The following NUP214 variants were observed in gnomAD, a reference collection of about 807,000 sequenced individuals.
The protein encoded by NUP214 is nucleoporin 214.
In NUP214, 79 loss-of-function variants were observed where a neutral mutation model predicts 196.2. That is an observed-to-expected ratio of 0.40 (90% CI 0.34 to 0.49). The LOEUF is 0.49. NUP214 is among the 20% of genes least tolerant of loss of function. NUP214 has a pLI of 0.58. For synonymous variants in NUP214, 1,020 were observed against 990.5 expected, an observed-to-expected ratio of 1.03 and a Z score of -0.56; for missense variants, 2,468 against 2,539.0, an observed-to-expected ratio of 0.97 and a Z score of 0.60.
At chr9:131,172,752 G>A (rs896217500) in intron 21 of NUP214, among the ~76,000 whole-genome samples, 11 of 152,194 alleles carry the variant, frequency 7.2e-5, no homozygotes, top group African/African-American at 2.7e-4. Flanking sequence ...GTAGCACATA[G>A]CATTGGTTTT....
intron 2 of NUP214, 52 bp from the exon 3 acceptor site, chr9:131,128,280 C>A: frequency 1.3e-6 from 2 of 1,555,882 alleles, no homozygotes; most frequent in Non-Finnish European, 1.7e-6. Flanking sequence ...GAGGTTGTGG[C>A]TTTATGCTTA....
chr9:131,161,440 G>T (rs1832629374), intron 18 of NUP214, among the ~76,000 whole-genome samples: 1 of 152,016 alleles, frequency 6.6e-6, no homozygotes, highest in Non-Finnish European at 1.5e-5. Flanking sequence ...TGTATTTTTA[G>T]TAGAGATGGG....
intron 29 of NUP214, among the ~76,000 whole-genome samples, chr9:131,199,744 A>G (rs1262981472): frequency 6.6e-6 from 1 of 152,234 alleles, no homozygotes; most frequent in Non-Finnish European, 1.5e-5. Flanking sequence ...TTCTTCAGCA[A>G]TAGACTCTAG....
At chr9:131,201,407 A>G (rs1833934587) in intron 29 of NUP214, among the ~76,000 whole-genome samples, 1 of 150,432 alleles carries the variant, frequency 6.6e-6, no homozygotes, top group Admixed American at 6.6e-5. Context: ...CTCCATCTCA[A>G]AAAAAAAAAT....
chr9:131,201,859 C>T, intron 30 of NUP214, 142 bp downstream of exon 30: 1 of 704,446 alleles, frequency 1.4e-6, no homozygotes, highest in Non-Finnish European at 2.5e-6. Flanking sequence ...CTCCCTTCAG[C>T]TGCCTTGGAG....
intron 18 of NUP214, among the ~76,000 whole-genome samples, chr9:131,160,634 A>G (rs1032518033): frequency 6.6e-6 from 1 of 152,246 alleles, no homozygotes; most frequent in Admixed American, 6.5e-5. Flanking sequence ...AAAACAAACC[A>G]AGAAATGGTC....
intron 27 of NUP214, among the ~76,000 whole-genome samples, chr9:131,192,875 A>T (rs1403041284): frequency 2.3e-5 from 3 of 131,484 alleles, no homozygotes; most frequent in African/African-American, 8.5e-5. Flanking sequence ...CGGGAGTTCG[A>T]GGTTACAGTG....
At chr9:131,185,821 G>A (rs1833435841) in intron 24 of NUP214, among the ~76,000 whole-genome samples, 1 of 152,058 alleles carries the variant, frequency 6.6e-6, no homozygotes, top group Non-Finnish European at 1.5e-5. Context: ...TGTATTTGGG[G>A]ATTTAGGATA....
chr9:131,141,422 C>T (rs948954868), intron 11 of NUP214, among the ~76,000 whole-genome samples: 2 of 150,876 alleles, frequency 1.3e-5, no homozygotes, highest in African/African-American at 4.9e-5. Flanking sequence ...CATATAAATA[C>T]TAGTCTGTAT....
Position 131,171,875 on chromosome 9 carries a change from A to G in NUP214, c.2894-2180A>G, listed in dbSNP as rs28826937. ...AATTTCATCCATGTCCCTACAAAGG[A>G]CATGAACTCATCATTTTTTATGGCT... On this transcript the variant is annotated intron_variant, in intron 21 of 35. Coordinates refer to ENST00000359428, the MANE Select transcript of NUP214 (RefSeq NM_005085.4). Among the ~76,000 whole-genome samples the G allele has an allele frequency of 9.8e-3, 1,487 of 152,246 alleles. 12 individuals are homozygous for G. The highest frequency in any genetic ancestry group is 0.034 in the African/African-American group (1,406 of 41,524).
chr9:131,215,468 A>C, intron 31 of NUP214, 100 bp downstream of exon 31: 1 of 1,270,846 alleles, frequency 7.9e-7, no homozygotes, highest in Non-Finnish European at 1.0e-6. Context: ...AAAGAAAAAA[A>C]AATCTAGAAG....
intron 18 of NUP214, among the ~76,000 whole-genome samples, chr9:131,161,013 C>T (rs1368112122): frequency 6.6e-6 from 1 of 152,248 alleles, no homozygotes; most frequent in Non-Finnish European, 1.5e-5. Flanking sequence ...GTACATTCTG[C>T]TCTGCTCAAT....
In NUP214 at chr9:131,195,299, A is replaced by C; in HGVS notation, c.3721+5A>C. 6.2e-7 allele frequency: 1 copy of C among 1,611,462 alleles called. No homozygotes were observed. The highest frequency in any genetic ancestry group is 8.5e-7 in the Non-Finnish European group (1 of 1,177,550). On this transcript the variant is annotated splice_donor_5th_base_variant and intron_variant, in intron 28 of 35. Transcript: ENST00000359428. ...CTAATTTCACTGCTGCACAAGGTAC[A>C]GACTCTGTGTTGAGTAGCATTACTC...
At position 131,150,823 on chromosome 9, in the gene NUP214, T is replaced by C. The variant is rs1832235427; in HGVS notation, c.2277+58T>C. ...ATTGCATTTAACAATTTTTTTCTCC[T>C]AGTACTCCATGGGGTTATGTACTTT... is the stretch of plus-strand genomic sequence containing the variant. On this transcript the variant is annotated intron_variant, in intron 16 of 35. Transcript: ENST00000359428. 46 of 1,507,696 alleles carry C rather than the reference T, an allele frequency of 3.1e-5. No individual in the cohort carries two copies. The South Asian group carries it at 5.6e-4, about 18-fold the overall frequency. The allele number at this position is 1,507,696 out of a possible 1,614,324, so 93.4% of individuals were successfully genotyped here. A position where few individuals can be genotyped will look rare whatever the true frequency, so the allele number is the denominator to read the frequency against.
chr9:131,175,861 G>A (rs1833099562), intron 23 of NUP214: 1 of 482,920 alleles, frequency 2.1e-6, no homozygotes, highest in Non-Finnish European at 3.4e-6. Flanking sequence ...GTGGAAATCA[G>A]TGGGGTTTGT....
At chr9:131,177,061 A>G (rs905823803) in intron 23 of NUP214, among the ~76,000 whole-genome samples, 4 of 152,238 alleles carry the variant, frequency 2.6e-5, no homozygotes, top group Non-Finnish European at 4.4e-5. Context: ...TTAGCTGAGT[A>G]AAATTATTTT....
chr9:131,163,310 C>G, intron 19 of NUP214, 137 bp downstream of exon 19: 1 of 810,608 alleles, frequency 1.2e-6, no homozygotes, highest in South Asian at 2.1e-5. Context: ...GGGTCCCACC[C>G]TCTCTGATCC....
At chr9:131,204,743 C>T (rs573691173) in intron 30 of NUP214, among the ~76,000 whole-genome samples, 6 of 152,302 alleles carry the variant, frequency 3.9e-5, no homozygotes, top group Non-Finnish European at 8.8e-5. Context: ...GAGAGAAAGA[C>T]AGAACCTTCC....
chr9:131,232,213 C>G lies in NUP214; in HGVS notation c.6215-71C>G. ...CAAGAAGCACAGAGGAGGGCAGACA[C>G]TTAGCATGGGGACCACCTTTGTCTT... On this transcript the variant is annotated intron_variant, in intron 34 of 35. Coordinates refer to ENST00000359428, the MANE Select transcript of NUP214 (RefSeq NM_005085.4). The surrounding 1 kb of genome is among the most constrained non-coding windows in gnomAD (Gnocchi z 5.1). The G allele has an allele frequency of 1.3e-6, 2 of 1,556,810 alleles. No individual in the cohort carries two copies. Among genetic ancestry groups the G allele is most frequent in the South Asian group, 2.2e-5 (2 of 89,976 alleles).
Sources: allele counts gnomAD v4.1 joint callset (sites outside exome capture counted in the v4.1 genomes callset), GRCh38; gene constraint gnomAD v4.1.1; non-coding constraint Gnocchi (gnomAD v3.1); transcripts MANE v1.5; gene names NCBI Gene and HGNC (gene_info 2026-07-23, HGNC 2026-07-21).